Variants in MYO9A observed in about 807,000 individuals in gnomAD.
MYO9A encodes the protein unconventional myosin-IXa.
MYO9A carries 103 observed loss-of-function variants against 293.3 expected under a neutral mutation model. That is an observed-to-expected ratio of 0.35 (90% CI 0.30 to 0.41). MYO9A has a LOEUF of 0.41. Among genes scored for constraint, MYO9A ranks in the 10% least tolerant of loss-of-function variants. The probability of loss-of-function intolerance (pLI) is 1.00; values close to 1 mark genes in which losing one functional copy is unlikely to be tolerated. For synonymous variants in MYO9A, 1,001 were observed against 1,035.7 expected (o/e 0.97, Z 0.64); for missense variants, 2,685 against 3,033.0 (o/e 0.89, Z 2.69).
intron 9 of MYO9A, among the ~76,000 whole-genome samples, chr15:71,995,511 A>G (rs949842817): frequency 1.3e-5 from 2 of 152,058 alleles, no homozygotes; most frequent in Admixed American, 1.3e-4. Context: ...GTAAGTCTGA[A>G]ATTGTTCTTA....
intron 7 of MYO9A, among the ~76,000 whole-genome samples, chr15:72,008,821 T>C (rs2077093334): frequency 6.6e-6 from 1 of 152,116 alleles, no homozygotes; most frequent in Non-Finnish European, 1.5e-5. Flanking sequence ...ATATACAGCT[T>C]TGTGTCACAT....
At chr15:72,087,297 A>T (rs192288952) in intron 1 of MYO9A, among the ~76,000 whole-genome samples, 2 of 152,334 alleles carry the variant, frequency 1.3e-5, no homozygotes, top group East Asian at 3.9e-4. Flanking sequence ...TATGGGAGCA[A>T]GTCAAGCCTA....
intron 27 of MYO9A, 38 bp from the exon 28 acceptor site, chr15:71,883,774 G>A (rs866940583): frequency 1.9e-6 from 3 of 1,549,454 alleles, no homozygotes; most frequent in Non-Finnish European, 2.6e-6. Flanking sequence ...GAAATTAAGA[G>A]TATCTCAGTG....
intron 17 of MYO9A, among the ~76,000 whole-genome samples, chr15:71,934,410 G>T (rs2058568078): frequency 6.6e-6 from 1 of 151,962 alleles, no homozygotes. Flanking sequence ...TTGTTGTGAG[G>T]ATTAAATGAG....
chr15:71,977,304 T>C (rs12101457), intron 12 of MYO9A, among the ~76,000 whole-genome samples: 2,044 of 152,282 alleles, frequency 0.013, 29 homozygotes, highest in African/African-American at 0.023. Context: ...TGGCGCCATC[T>C]CGGCTCACTG....
chr15:72,072,138 C>CT (rs1290495009), intron 1 of MYO9A, among the ~76,000 whole-genome samples: 32 of 142,742 alleles, frequency 2.2e-4, no homozygotes, highest in South Asian at 4.6e-4. Context: ...CATTCTTTTT[C>CT]TTTTTTTTTT....
At chr15:72,011,153 A>G (rs940634605) in intron 6 of MYO9A, among the ~76,000 whole-genome samples, 2 of 151,736 alleles carry the variant, frequency 1.3e-5, no homozygotes, top group African/African-American at 4.8e-5. Context: ...GGAACTACCC[A>G]GCTAGTCCTA....
At chr15:71,827,151 T>C (rs1371516722) in intron 41 of MYO9A, 108 bp from the exon 42 acceptor site, 1 of 833,760 alleles carries the variant, frequency 1.2e-6, no homozygotes, top group Non-Finnish European at 1.8e-6. Context: ...TGGGATAAGA[T>C]TCAGAGGGTC....
At chr15:71,957,264 T>C (rs1295674453) in intron 14 of MYO9A, among the ~76,000 whole-genome samples, 1 of 152,202 alleles carries the variant, frequency 6.6e-6, no homozygotes, top group Non-Finnish European at 1.5e-5. Flanking sequence ...ATATTCAGCC[T>C]TTTGTCTTGT....
chr15:71,938,167 T>C (rs1055630901), intron 16 of MYO9A, among the ~76,000 whole-genome samples: 1 of 152,054 alleles, frequency 6.6e-6, no homozygotes, highest in African/African-American at 2.4e-5. Context: ...AAAGACACGG[T>C]GACTCAATTG....
intron 1 of MYO9A, chr15:72,117,247 G>C (rs897169173): frequency 1.3e-5 from 2 of 152,264 alleles, no homozygotes; most frequent in Non-Finnish European, 2.9e-5. Flanking sequence ...GAGCGAGCTG[G>C]GAGGGGTTCT....
chr15:72,032,097 T>C (rs2149423728), intron 3 of MYO9A, among the ~76,000 whole-genome samples: 1 of 152,160 alleles, frequency 6.6e-6, no homozygotes, highest in Non-Finnish European at 1.5e-5. Flanking sequence ...TTAGTGGAGA[T>C]GGGTTTTCAC....
chr15:72,101,543 G>A (rs2080323824), intron 1 of MYO9A, among the ~76,000 whole-genome samples: 1 of 125,058 alleles, frequency 8.0e-6, no homozygotes. Context: ...CCGGCCAGCC[G>A]CCCCGTCCGG....
intron 37 of MYO9A, 114 bp from the exon 38 acceptor site, chr15:71,850,281 T>C: frequency 8.4e-7 from 1 of 1,196,148 alleles, no homozygotes; most frequent in East Asian, 2.5e-5. Flanking sequence ...AACTGCATAG[T>C]ACTAGAAGGA....
chr15:71,825,553 T>C lies in MYO9A; in HGVS notation c.*1027A>G, dbSNP rs538063874. 1 of 152,356 alleles carries C rather than the reference T, an allele frequency of 6.6e-6. No homozygotes were observed. The highest frequency in any genetic ancestry group is 2.4e-5 in the African/African-American group (1 of 41,588). 9.4% of individuals were successfully genotyped at this position (152,356 alleles called of 1,614,324 possible). On this transcript the variant is annotated 3_prime_UTR_variant, in exon 42 of 42. Coordinates refer to ENST00000356056, the MANE Select transcript of MYO9A (RefSeq NM_006901.4). The stretch of plus-strand genomic sequence containing the variant: ...TCTGTAACACTTACTTACTTATTCA[T>C]GCAATATTGTATGTGAATGTTTTTG...
At position 71,844,802 on chromosome 15, in the gene MYO9A, T is replaced by C. The variant is rs576534370; in HGVS notation, c.6837+4043A>G. ...AAACAGTAAAAGAGACTCATGGTGA[T>C]AATGAAGGAATGAATTGCATTGCCT... is the stretch of plus-strand genomic sequence containing the variant. On this transcript the variant is annotated intron_variant, in intron 39 of 41. Transcript: ENST00000356056. 2.0e-5 allele frequency among the ~76,000 whole-genome samples: 3 copies of C among 152,298 alleles called. No individual in the cohort carries two copies. In the East Asian group the frequency reaches 5.8e-4, roughly 29 times the overall value.
chr15:71,840,261 A>T (rs2055098012), intron 39 of MYO9A, among the ~76,000 whole-genome samples: 1 of 152,232 alleles, frequency 6.6e-6, no homozygotes, highest in African/African-American at 2.4e-5. Context: ...AAGGCAGAAT[A>T]GTTCTGCATC....
chr15:71,902,178 C>T (rs1009309944), intron 22 of MYO9A, among the ~76,000 whole-genome samples: 1 of 151,776 alleles, frequency 6.6e-6, no homozygotes, highest in Non-Finnish European at 1.5e-5. Context: ...ATAATAAAGG[C>T]ATGCACAGGA....
At chr15:71,939,171 A>G (rs1343010056) in intron 15 of MYO9A, among the ~76,000 whole-genome samples, 2 of 152,202 alleles carry the variant, frequency 1.3e-5, no homozygotes, top group Non-Finnish European at 2.9e-5. Flanking sequence ...TTCAGAAAAT[A>G]CAAGGGTGAC....
Sources: gnomAD v4.1 joint callset for allele counts (sites outside exome capture counted in the v4.1 genomes callset) on GRCh38, gnomAD v4.1.1 for gene constraint, MANE v1.5 for transcripts, NCBI Gene and HGNC (gene_info 2026-07-23, HGNC 2026-07-21) for gene names.